The following AGRN variants were observed in gnomAD, a reference collection of about 807,000 sequenced individuals.
AGRN encodes agrin.
AGRN carries 106 observed loss-of-function variants against 211.0 expected under a neutral mutation model. That is an observed-to-expected ratio of 0.50 (90% confidence interval 0.43 to 0.59). The LOEUF (loss-of-function observed/expected upper bound fraction) is 0.59. AGRN is among the 20% of genes least tolerant of loss of function. The pLI is 0.00. For missense variants in AGRN, 3,040 were observed against 2,982.6 expected (o/e 1.02, Z -0.45); for synonymous variants, 1,525 against 1,332.5 (o/e 1.14, Z -3.15).
rs1312292926 is a variant in AGRN, at chr1:1,044,444, G to A, written c.2254+5G>A. ...CGGCCCAGGGAGCCTGCCGAGGTGA[G>A]CCGGCTGCACGTGGGGTCTCAGGCA... On this transcript the variant is annotated splice_donor_5th_base_variant and intron_variant, in intron 12 of 35. Coordinates refer to ENST00000379370, the MANE Select transcript of AGRN (RefSeq NM_198576.4). The A allele has an allele frequency of 6.2e-7, 1 of 1,603,762 alleles. No homozygotes were observed. The highest frequency in any genetic ancestry group is 1.1e-5 in the South Asian group (1 of 90,008).
chr1:1,039,510 T>C (rs1644879538), intron 3 of AGRN, among the ~76,000 whole-genome samples: 1 of 151,416 alleles, frequency 6.6e-6, no homozygotes. Flanking sequence ...TGGACCCAAT[T>C]AAACATTTAT....
At chr1:1,039,114 G>T (rs2465133) in intron 3 of AGRN, among the ~76,000 whole-genome samples, 134,162 of 152,204 alleles carry the variant, frequency 0.88, 59,674 homozygotes, top group East Asian at 1. Context: ...GCCCAGGCAG[G>T]TGATAACCTG....
At chr1:1,053,031 A>C (rs1021558054) in intron 33 of AGRN, 1 of 198,258 alleles carries the variant, frequency 5.0e-6, no homozygotes, top group African/African-American at 2.4e-5. Flanking sequence ...GTGTGTGAAC[A>C]TGGAGGGGTG....
rs1400411278 is a variant in AGRN at position 1,031,477 on chromosome 1, T to G, written c.464-3800T>G. On this transcript the variant is annotated intron_variant, in intron 2 of 35. Transcript: ENST00000379370. This position sits in a 1 kb window ranked among gnomAD's most constrained non-coding sequence, Gnocchi z 4.8. ...CTGGGGCCTCAATGGCCCTTTGTCT[T>G]TCTGAAGGCATCTGGGCCTCTGTGG... Among the ~76,000 whole-genome samples the G allele has an allele frequency of 1.3e-5, 2 of 152,120 alleles. No individual in the cohort carries two copies. The highest frequency in any genetic ancestry group is 2.1e-4 in the South Asian group (1 of 4,836).
At chr1:1,020,458 G>T in intron 1 of AGRN, 85 bp downstream of exon 1, 1 of 1,331,118 alleles carries the variant, frequency 7.5e-7, no homozygotes, top group Non-Finnish European at 1.0e-6. Context: ...AACCAGCCCC[G>T]GTCGCTCCGC....
rs565518558 is a variant in AGRN at position 1,050,333 on chromosome 1, G to T, written c.4976+4G>T. 2 of 1,612,714 alleles carry T rather than the reference G, an allele frequency of 1.2e-6. No homozygotes were observed. Among genetic ancestry groups the T allele is most frequent in the Admixed American group, 1.7e-5 (1 of 59,994 alleles). ...ACACCTTTGCACGGGACCTGGGGTCGGTGGGGCAGGAGCAGGGGGAAGGGC... is the reference window on the plus strand; with the variant it reads ...ACACCTTTGCACGGGACCTGGGGTCTGTGGGGCAGGAGCAGGGGGAAGGGC... On this transcript the variant is annotated splice_donor_region_variant and intron_variant, in intron 28 of 35. Coordinates refer to ENST00000379370, the MANE Select transcript of AGRN (RefSeq NM_198576.4).
chr1:1,024,849 C>T (rs1174252743), intron 2 of AGRN, among the ~76,000 whole-genome samples: 1 of 152,224 alleles, frequency 6.6e-6, no homozygotes, highest in South Asian at 2.1e-4. Flanking sequence ...GTCCCTCCCT[C>T]TGCGCCACCT....
At chr1:1,021,725 A>G (rs149265376) in intron 1 of AGRN, among the ~76,000 whole-genome samples, 2,852 of 152,360 alleles carry the variant, frequency 0.019, 52 homozygotes, top group African/African-American at 0.046. Flanking sequence ...CTGAGTGCAC[A>G]GACTGTAGAA....
At position 1,043,969 on chromosome 1, in the gene AGRN, G is replaced by A. The variant is rs555209196; in HGVS notation, c.1945G>A (p.Ala649Thr). Reference sequence around the variant, plus strand: ...CAGTGCCTGCGAGCTACGGGAAGCCGCCTGCCTCCAGCAGACACAGATCGA... The same window carrying A: ...CAGTGCCTGCGAGCTACGGGAAGCCACCTGCCTCCAGCAGACACAGATCGA... The part of the protein sequence containing the change: ...YGSACELREA[A>T]CLQQTQIEEA... Residue 649 changes from alanine (A) to threonine (T), a missense_variant, in exon 10 of 36, where the codon GCC becomes ACC. Transcript: ENST00000379370. The A allele has an allele frequency of 5.9e-5, 94 of 1,605,134 alleles. No homozygotes were observed. Among genetic ancestry groups the A allele is most frequent in the East Asian group, 2.7e-4 (12 of 44,742 alleles).
At position 1,055,022 on chromosome 1, in the gene AGRN, T is replaced by C; in HGVS notation, c.*41T>C. 6.5e-7 allele frequency: 1 copy of C among 1,543,694 alleles called. No homozygotes were observed. The highest frequency in any genetic ancestry group is 1.2e-5 in the South Asian group (1 of 84,002). Reference sequence around the variant, plus strand: ...CCGCGCCCGCTGTAATTATTTTCTATTTTTGTAAACTTGTTGCTTTTTGAT... The same window carrying C: ...CCGCGCCCGCTGTAATTATTTTCTACTTTTGTAAACTTGTTGCTTTTTGAT... On this transcript the variant is annotated 3_prime_UTR_variant, in exon 36 of 36. Transcript: ENST00000379370.
chr1:1,043,441 G>A lies in AGRN; in HGVS notation c.1587G>A (p.Ala529=), dbSNP rs200506573. ...ACTLGREIQV[A]RKGPCDRCGQ... ...CCCTCGGGCGGGAGATCCAGGTGGC[G>A]CGCAAAGGACCCTGTGGTCAGTGGC... is the stretch of plus-strand genomic sequence containing the variant. Residue 529 remains alanine, a synonymous_variant, in exon 8 of 36, where the codon GCG becomes GCA. Transcript: ENST00000379370. The A allele has an allele frequency of 2.2e-5, 35 of 1,606,484 alleles. No homozygotes were observed. Among genetic ancestry groups the A allele is most frequent in the East Asian group, 1.6e-4 (7 of 44,736 alleles).
rs1048740125 is a variant in AGRN at position 1,034,352 on chromosome 1, G to A, written c.464-925G>A. The A allele has an allele frequency of 4.1e-6, 4 of 985,402 alleles. No individual in the cohort carries two copies. In the African/African-American group the frequency reaches 7.0e-5, roughly 17 times the overall value. The allele number at this position is 985,402 out of a possible 1,614,324, so 61.0% of individuals were successfully genotyped here. On this transcript the variant is annotated intron_variant, in intron 2 of 35. Transcript: ENST00000379370. The stretch of plus-strand genomic sequence containing the variant: ...GGGATTTCTACTCCGGGAGAATTCT[G>A]CCCTCCTCCCACGATGAGCCTGGAG...
Position 1,048,462 on chromosome 1 carries a change from C to A in AGRN, c.4105+97C>A. The A allele has an allele frequency of 9.4e-7, 1 of 1,068,292 alleles. No homozygotes were observed. The highest frequency in any genetic ancestry group is 1.3e-6 in the Non-Finnish European group (1 of 770,176). 66.2% of individuals were successfully genotyped at this position (1,068,292 alleles called of 1,614,324 possible). On this transcript the variant is annotated intron_variant, in intron 23 of 35. Transcript: ENST00000379370. The surrounding 1 kb of genome is among the most constrained non-coding windows in gnomAD (Gnocchi z 5.9). ...CCACCATCAGGCTTTGAGTTGGGGG[C>A]AGGAGCCCGGATTAAGGCGGGGTTT...
chr1:1,029,470 G>A (rs1409856547), intron 2 of AGRN, among the ~76,000 whole-genome samples: 2 of 100,342 alleles, frequency 2.0e-5, no homozygotes, highest in Non-Finnish European at 4.3e-5. Context: ...TGTCTATGAG[G>A]GCAGGTGGAG....
intron 1 of AGRN, 75 bp downstream of exon 1, chr1:1,020,448 A>G: frequency 2.9e-6 from 4 of 1,403,160 alleles, no homozygotes; most frequent in Non-Finnish European, 3.8e-6. Context: ...AGGCCGTGGG[A>G]ACCAGCCCCG....
At chr1:1,037,285 C>G (rs986900196) in intron 3 of AGRN, among the ~76,000 whole-genome samples, 4 of 152,206 alleles carry the variant, frequency 2.6e-5, no homozygotes, top group East Asian at 1.9e-4. Context: ...GCCTCGTTTC[C>G]TGACACCCAG....
At chr1:1,027,924 C>A (rs948111218) in intron 2 of AGRN, among the ~76,000 whole-genome samples, 2 of 152,220 alleles carry the variant, frequency 1.3e-5, no homozygotes, top group African/African-American at 2.4e-5. Context: ...ACGCACCCCC[C>A]GCTGGAGAAG....
rs745930414 is a variant in AGRN at position 1,051,249 on chromosome 1, G to A, written c.5254-4G>A. On this transcript the variant is annotated splice_region_variant and splice_polypyrimidine_tract_variant and intron_variant, in intron 30 of 35. Coordinates refer to ENST00000379370, the MANE Select transcript of AGRN (RefSeq NM_198576.4). ...GCACAGCCACTTACCTGGCGTCCCC[G>A]CAGGTTCCGCACACCGTCCTCAACC... The A allele has an allele frequency of 3.1e-5, 49 of 1,581,000 alleles. No homozygotes were observed. Among genetic ancestry groups the A allele is most frequent in the East Asian group, 2.3e-5 (1 of 43,188 alleles).
In AGRN at chr1:1,051,322, GCCCGTGCTGCTGCCGTGT is replaced by G; in HGVS notation, c.5326_5343del (p.Arg1776_Ser1781del). ...GGGCGCTCCCGACTTCAGCAAGCTG[GCCCGTGCTGCTGCCGTGT>G]CCTCTGGCTTCGACGGTGCCATCCA... On this transcript the variant is annotated inframe_deletion, in exon 31 of 36. Transcript: ENST00000379370. 1.9e-6 allele frequency: 3 copies of G among 1,568,650 alleles called. No individual in the cohort carries two copies. Among genetic ancestry groups the G allele is most frequent in the Non-Finnish European group, 2.6e-6 (3 of 1,157,630 alleles).
Sources: allele counts gnomAD v4.1 joint callset (sites outside exome capture counted in the v4.1 genomes callset), GRCh38; gene constraint gnomAD v4.1.1; non-coding constraint Gnocchi (gnomAD v3.1); transcripts MANE v1.5; gene names NCBI Gene and HGNC (gene_info 2026-07-23, HGNC 2026-07-21).